NBPF19: variants seen among roughly 807,000 people sequenced by gnomAD.
The protein encoded by NBPF19 is NBPF member 19.
In NBPF19, 30 loss-of-function variants were observed where a neutral mutation model predicts 45.9. That is an observed-to-expected ratio of 0.65 (90% CI 0.49 to 0.89). NBPF19 has a LOEUF of 0.89. NBPF19 is among the 40% of genes least tolerant of loss of function. NBPF19 has a pLI of 0.00. For missense variants in NBPF19, 495 were observed against 471.8 expected, an observed-to-expected ratio of 1.05 and a Z score of -0.46; for synonymous variants, 183 against 181.2, an observed-to-expected ratio of 1.01 and a Z score of -0.08.
chr1:149,556,329 C>T lies in NBPF19; in HGVS notation c.*1591C>T, dbSNP rs1367813100. 1 of 149,788 alleles carries T rather than the reference C, an allele frequency of 6.7e-6. No homozygotes were observed. The highest frequency in any genetic ancestry group is 1.5e-5 in the Non-Finnish European group (1 of 67,178). 9.3% of individuals were successfully genotyped at this position (149,788 alleles called of 1,614,324 possible). A position where few individuals can be genotyped will look rare whatever the true frequency, so the allele number is the denominator to read the frequency against. On this transcript the variant is annotated 3_prime_UTR_variant, in exon 94 of 94. Transcript: ENST00000651566. Reference sequence around the variant, plus strand: ...TTATGCTGATTGGTTTTGGTGGGTACTGATGTGAATTAATAAAAACATTTC... The same window carrying T: ...TTATGCTGATTGGTTTTGGTGGGTATTGATGTGAATTAATAAAAACATTTC...
chr1:149,488,425 A>C (rs1570991067), intron 10 of NBPF19, among the ~76,000 whole-genome samples: 1 of 140,600 alleles, frequency 7.1e-6, no homozygotes, highest in East Asian at 2.3e-4. Context: ...TCCTACTCTC[A>C]TGACGTTGGA....
At chr1:149,554,466 T>C in intron 93 of NBPF19, 29 bp from the exon 94 acceptor site, 2 of 1,608,242 alleles carry the variant, frequency 1.2e-6, no homozygotes, top group Non-Finnish European at 1.7e-6. Flanking sequence ...TTTCCCTGGC[T>C]GCTTCTTTAG....
intron 93 of NBPF19, 83 bp from the exon 94 acceptor site, chr1:149,554,412 C>A: frequency 6.2e-7 from 1 of 1,606,958 alleles, no homozygotes; most frequent in East Asian, 2.2e-5. Flanking sequence ...TAACCACTTC[C>A]TTATGTGACT....
intron 93 of NBPF19, among the ~76,000 whole-genome samples, chr1:149,554,202 C>T (rs1274234755): frequency 6.6e-6 from 1 of 150,552 alleles, no homozygotes; most frequent in African/African-American, 2.4e-5. Context: ...CATGAGGGCA[C>T]TAACTCAGAG....
Position 149,554,988 on chromosome 1 carries a change from A to T in NBPF19, c.*250A>T. On this transcript the variant is annotated 3_prime_UTR_variant, in exon 94 of 94. Transcript: ENST00000651566. The stretch of plus-strand genomic sequence containing the variant: ...CCGGGAGTGATCAGTCGGACATTTT[A>T]ATTTGAACCACGTATCTTTGGGTAG... The T allele has an allele frequency of 1.5e-6, 1 of 661,664 alleles. No homozygotes were observed. Among genetic ancestry groups the T allele is most frequent in the South Asian group, 2.0e-5 (1 of 49,386 alleles). The allele number at this position is 661,664 out of a possible 1,614,324, so 41.0% of individuals were successfully genotyped here.
chr1:149,478,064 G>A lies in NBPF19; in HGVS notation c.278+17G>A, dbSNP rs1294734533. ...GGAGCTCAGGTGAGGGGACCCCGTG[G>A]GGGGAGGGCAGGCGGGTAGGTGTGT... On this transcript the variant is annotated intron_variant, in intron 3 of 93. Coordinates refer to ENST00000651566, the MANE Select transcript of NBPF19 (RefSeq NM_001351365.2). 2 of 1,568,194 alleles carry A rather than the reference G, an allele frequency of 1.3e-6. No individual in the cohort carries two copies. The highest frequency in any genetic ancestry group is 1.7e-6 in the Non-Finnish European group (2 of 1,146,962).
At position 149,490,951 on chromosome 1, in the gene NBPF19, T is replaced by G. The variant is rs1211751132; in HGVS notation, c.1491-188T>G. Among the ~76,000 whole-genome samples the G allele has an allele frequency of 2.2e-5, 3 of 134,976 alleles. 1 individual carries two copies. Among genetic ancestry groups the G allele is most frequent in the Non-Finnish European group, 4.7e-5 (3 of 64,470 alleles). The allele number at this position is 134,976 out of a possible 152,430, so 88.5% of individuals were successfully genotyped here. ...GTGTGTGTGTGTGTGTGTGTCCATC[T>G]GTCTCTTTCATTCTTTTCCATTTGG... On this transcript the variant is annotated intron_variant, in intron 13 of 93. Transcript: ENST00000651566.
At chr1:149,553,940 T>C in intron 93 of NBPF19, 58 bp downstream of exon 93, 1 of 204,576 alleles carries the variant, frequency 4.9e-6, no homozygotes, top group Non-Finnish European at 8.2e-6. Flanking sequence ...GGCAACAGAT[T>C]CAGGGAAACC....
chr1:149,554,868 C>G lies in NBPF19; in HGVS notation c.*130C>G. On this transcript the variant is annotated 3_prime_UTR_variant, in exon 94 of 94. Transcript: ENST00000651566. ...TGGGTCAGTGGGCATGGCTCTTTTCCTATTCTCAAACCATGCCAGTGGCAA... is the reference window on the plus strand; with the variant it reads ...TGGGTCAGTGGGCATGGCTCTTTTCGTATTCTCAAACCATGCCAGTGGCAA... The G allele has an allele frequency of 1.3e-6, 2 of 1,507,718 alleles. No individual in the cohort carries two copies. Among genetic ancestry groups the G allele is most frequent in the Non-Finnish European group, 1.8e-6 (2 of 1,110,044 alleles). The allele number at this position is 1,507,718 out of a possible 1,614,324, so 93.4% of individuals were successfully genotyped here.
At chr1:149,486,529 ACTGT>A (rs2085512669) in intron 8 of NBPF19, among the ~76,000 whole-genome samples, 1 of 151,408 alleles carries the variant, frequency 6.6e-6, no homozygotes, top group African/African-American at 2.4e-5. Context: ...ACCTGGACTG[ACTGT>A]CACGACATTG....
At chr1:149,554,279 G>GTC (rs2087152953) in intron 93 of NBPF19, among the ~76,000 whole-genome samples, 2 of 151,756 alleles carry the variant, frequency 1.3e-5, no homozygotes, top group Non-Finnish European at 1.5e-5. Flanking sequence ...CTCTGTCTCT[G>GTC]TCTCTGTCTC....
In NBPF19 at chr1:149,490,902, G is replaced by T. The variant is rs1284509294; in HGVS notation, c.1491-237G>T. Among the ~76,000 whole-genome samples, 22 of 129,926 alleles carry T rather than the reference G, an allele frequency of 1.7e-4. 2 individuals carry two copies. Among genetic ancestry groups the T allele is most frequent in the African/African-American group, 6.7e-4 (22 of 32,804 alleles). 85.2% of individuals were successfully genotyped at this position (129,926 alleles called of 152,430 possible). On this transcript the variant is annotated intron_variant, in intron 13 of 93. Transcript: ENST00000651566. Reference sequence around the variant, plus strand: ...GCTCGTTCTCTCTCTCTCTCTCTGTGTGTGTGTGTGTGTGTGTGCGTGTGT... The same window carrying T: ...GCTCGTTCTCTCTCTCTCTCTCTGTTTGTGTGTGTGTGTGTGTGCGTGTGT...
In NBPF19 at chr1:149,515,161, A is replaced by T; in HGVS notation, c.5323+53A>T. Reference sequence around the variant, plus strand: ...GCACCACTGAGTCTTCCATATAAAGATCATATTCCTGCTCCAAGTGGCCAT... The same window carrying T: ...GCACCACTGAGTCTTCCATATAAAGTTCATATTCCTGCTCCAAGTGGCCAT... On this transcript the variant is annotated intron_variant, in intron 44 of 93. Transcript: ENST00000651566. 2 of 822,756 alleles carry T rather than the reference A, an allele frequency of 2.4e-6. 1 individual carries two copies. The highest frequency in any genetic ancestry group is 4.0e-5 in the African/African-American group (2 of 50,426). 51.0% of individuals were successfully genotyped at this position (822,756 alleles called of 1,614,324 possible).
chr1:149,484,363 A>C, intron 7 of NBPF19, among the ~76,000 whole-genome samples: 1 of 55,208 alleles, frequency 1.8e-5, no homozygotes, highest in East Asian at 7.8e-4. Flanking sequence ...GGGGGGAGGG[A>C]GGAGGGGTAG....
In NBPF19 at chr1:149,488,181, G is replaced by C. The variant is rs1484363354; in HGVS notation, c.1209G>C (p.Met403Ile). The C allele has an allele frequency of 1.5e-6, 1 of 651,118 alleles. No individual in the cohort carries two copies. The highest frequency in any genetic ancestry group is 2.8e-5 in the East Asian group (1 of 35,892). 40.3% of individuals were successfully genotyped at this position (651,118 alleles called of 1,614,324 possible). ...AGCGTGTTGGCTTGGCTATTGACAT[G>C]GATGGTGAGTACCTTTCTATGAAGG... is the stretch of plus-strand genomic sequence containing the variant. ...EQQRVGLAID[M>I]DEIEKYQEVE... The change falls in exon 10 of 94, where the codon ATG becomes ATC. Residue 403 changes from methionine (M) to isoleucine (I), a missense_variant. By Grantham distance (10) the Met-to-Ile change is conservative. Around this residue, in one of 8 missense-constraint regions of NBPF19, gnomAD observed 146 missense variants for 67.3 expected, o/e 2.17. Transcript: ENST00000651566.
chr1:149,486,334 G>C, intron 8 of NBPF19, 41 bp downstream of exon 8: 1 of 621,910 alleles, frequency 1.6e-6, no homozygotes, highest in Non-Finnish European at 2.9e-6. Context: ...TCCAGTTCAT[G>C]GCCCAGGTAG....
chr1:149,477,387 G>C (rs1454864555), intron 2 of NBPF19, among the ~76,000 whole-genome samples: 1 of 151,132 alleles, frequency 6.6e-6, no homozygotes, highest in African/African-American at 2.4e-5. Context: ...TAAAGTATTT[G>C]GGCATATTTC....
chr1:149,487,454 T>G, intron 9 of NBPF19, 71 bp downstream of exon 9: 3 of 939,832 alleles, frequency 3.2e-6, no homozygotes, highest in South Asian at 2.6e-5. Flanking sequence ...GGGAAAACAG[T>G]ACATGCTGAA....
rs1175492753 is a variant in NBPF19 at position 149,475,140 on chromosome 1, A to G, written c.-691A>G. Among the ~76,000 whole-genome samples the G allele has an allele frequency of 6.8e-6, 1 of 147,430 alleles. No individual in the cohort carries two copies. Among genetic ancestry groups the G allele is most frequent in the African/African-American group, 2.5e-5 (1 of 40,146 alleles). On this transcript the variant is annotated 5_prime_UTR_variant, in exon 1 of 94. The change abolishes the stop of an existing upstream ORF in the 5' untranslated region. Transcript: ENST00000651566. ...CCAGTAAGAAAGAGGAAATCAATCT[A>G]ACAATGGGATGCAGCAGCAAGAATA...
Sources: gnomAD v4.1 joint callset for allele counts (sites outside exome capture counted in the v4.1 genomes callset) on GRCh38, gnomAD v4.1.1 for gene constraint, gnomAD v4.1.1 regional missense constraint, MANE v1.5 for transcripts, NCBI Gene and HGNC (gene_info 2026-07-23, HGNC 2026-07-21) for gene names.